PCDH15: variants seen among roughly 807,000 people sequenced by gnomAD.
The protein encoded by PCDH15 is protocadherin related 15.
PCDH15 carries 129 observed loss-of-function variants against 178.5 expected under a neutral mutation model. The observed-to-expected ratio is 0.72, with a 90% CI of 0.63 to 0.84. The LOEUF (loss-of-function observed/expected upper bound fraction) is 0.84, where lower values mean the gene tolerates loss of function less well. PCDH15 is among the 40% of genes least tolerant of loss of function. PCDH15 has a pLI of 0.00. For synonymous variants in PCDH15, 800 were observed against 732.0 expected, an observed-to-expected ratio of 1.09 and a Z score of -1.50; for missense variants, 2,230 against 2,099.9, an observed-to-expected ratio of 1.06 and a Z score of -1.21.
rs759865995 is a variant in PCDH15 at position 54,369,281 on chromosome 10, A to G, written c.319-6T>C. On this transcript the variant is annotated splice_polypyrimidine_tract_variant and splice_region_variant and intron_variant, in intron 4 of 37. Coordinates refer to ENST00000644397, the MANE Select transcript of PCDH15 (RefSeq NM_001384140.1). The stretch of plus-strand genomic sequence containing the variant: ...GAGTGTATGTTCATCGGTGGCTGCA[A>G]TGTAGAAATTGCATCTTTTAAAATA... The G allele has an allele frequency of 6.8e-6, 11 of 1,611,924 alleles. No homozygotes were observed. In the South Asian group the frequency reaches 1.2e-4, roughly 18 times the overall value.
chr10:54,372,254 C>A (rs1329820920), intron 4 of PCDH15, among the ~76,000 whole-genome samples: 1 of 151,668 alleles, frequency 6.6e-6, no homozygotes, highest in East Asian at 1.9e-4. Context: ...TGGAGTGGTA[C>A]CACTGGGACC....
intron 2 of PCDH15, among the ~76,000 whole-genome samples, chr10:55,516,705 T>C (rs1214333183): frequency 1.3e-5 from 2 of 152,178 alleles, no homozygotes; most frequent in African/African-American, 4.8e-5. Flanking sequence ...TAAGTTCTTT[T>C]ATATGAATAT....
chr10:55,598,331 T>TAA (rs5785147), intron 2 of PCDH15, among the ~76,000 whole-genome samples: 1 of 150,836 alleles, frequency 6.6e-6, no homozygotes, highest in Non-Finnish European at 1.5e-5. Context: ...CCACTATGCT[T>TAA]ACACAAATAG....
At chr10:54,961,388 T>A (rs1230471993) in intron 2 of PCDH15, among the ~76,000 whole-genome samples, 1 of 152,212 alleles carries the variant, frequency 6.6e-6, no homozygotes, top group Non-Finnish European at 1.5e-5. Flanking sequence ...GTGCTATGGA[T>A]GGCATGTTGA....
intron 15 of PCDH15, among the ~76,000 whole-genome samples, chr10:54,099,930 G>A (rs2094777629): frequency 6.6e-6 from 1 of 151,930 alleles, no homozygotes; most frequent in African/African-American, 2.4e-5. Flanking sequence ...TAGGGTCTAG[G>A]GAACTAGCAT....
intron 2 of PCDH15, among the ~76,000 whole-genome samples, chr10:55,454,277 A>G (rs1477444161): frequency 6.6e-6 from 1 of 152,172 alleles, no homozygotes; most frequent in Non-Finnish European, 1.5e-5. Context: ...TTGCTTAGCA[A>G]AGTTGTTTTT....
intron 2 of PCDH15, among the ~76,000 whole-genome samples, chr10:54,966,809 C>T (rs1838805694): frequency 6.6e-6 from 1 of 152,078 alleles, no homozygotes. Context: ...GTGAGGCCTT[C>T]CCAGCCACGT....
chr10:55,416,834 T>C (rs916138133), intron 2 of PCDH15, among the ~76,000 whole-genome samples: 2 of 151,812 alleles, frequency 1.3e-5, no homozygotes, highest in Non-Finnish European at 2.9e-5. Context: ...GTGATGTCAC[T>C]ACAGAACAAA....
intron 24 of PCDH15, among the ~76,000 whole-genome samples, chr10:53,939,810 G>T (rs114889721): frequency 0.01 from 1,522 of 152,124 alleles, 27 homozygotes; most frequent in African/African-American, 0.035. Context: ...AATAAATATA[G>T]CCACTCTGCT....
chr10:54,784,493 A>G lies in PCDH15; in HGVS notation c.-29+16432T>C, dbSNP rs187669069. 3.6e-3 allele frequency among the ~76,000 whole-genome samples: 543 copies of G among 152,102 alleles called. 1 individual carries two copies. Among genetic ancestry groups the G allele is most frequent in the African/African-American group, 0.013 (528 of 41,534 alleles). Reference sequence around the variant, plus strand: ...AAAATAAAAGTTGGTCAAAAATACTATGTCCAGCAAAGCTACTGTTTAGCC... The same window carrying G: ...AAAATAAAAGTTGGTCAAAAATACTGTGTCCAGCAAAGCTACTGTTTAGCC... On this transcript the variant is annotated intron_variant, in intron 1 of 37. Coordinates refer to ENST00000644397, the MANE Select transcript of PCDH15 (RefSeq NM_001384140.1).
intron 8 of PCDH15, among the ~76,000 whole-genome samples, chr10:54,274,754 G>A (rs540867567): frequency 6.6e-6 from 1 of 151,572 alleles, no homozygotes; most frequent in East Asian, 1.9e-4. Context: ...GACAGATAAA[G>A]GATTCTAATT....
chr10:55,076,768 T>A (rs2132020351), intron 2 of PCDH15, among the ~76,000 whole-genome samples: 1 of 140,294 alleles, frequency 7.1e-6, no homozygotes, highest in South Asian at 2.5e-4. Flanking sequence ...TGTGACCTTT[T>A]TTTTTTTTTT....
intron 20 of PCDH15, among the ~76,000 whole-genome samples, chr10:54,015,286 C>T (rs780645362): frequency 1.2e-4 from 19 of 152,114 alleles, no homozygotes; most frequent in Admixed American, 3.3e-4. Context: ...ACATTCCATG[C>T]TTGTGGATAG....
chr10:54,118,957 T>C (rs1400232593), intron 15 of PCDH15, among the ~76,000 whole-genome samples: 3 of 152,094 alleles, frequency 2.0e-5, no homozygotes, highest in Non-Finnish European at 2.9e-5. Flanking sequence ...GCTCCCACGA[T>C]GGTGTCCAGT....
chr10:54,019,642 G>C (rs2092850524), intron 20 of PCDH15, among the ~76,000 whole-genome samples: 1 of 151,998 alleles, frequency 6.6e-6, no homozygotes, highest in South Asian at 2.1e-4. Context: ...TCTGGCACAT[G>C]GTATTATAAT....
chr10:53,863,894 G>T (rs1435455838), intron 27 of PCDH15, among the ~76,000 whole-genome samples: 4 of 152,122 alleles, frequency 2.6e-5, no homozygotes, highest in African/African-American at 9.7e-5. Context: ...GATCCTGGAG[G>T]GTAGGTAAAT....
intron 1 of PCDH15, among the ~76,000 whole-genome samples, chr10:55,221,286 G>C (rs540975479): frequency 3.3e-5 from 5 of 152,080 alleles, no homozygotes; most frequent in Non-Finnish European, 5.9e-5. Flanking sequence ...GACATGAGCA[G>C]TGATGTGCTG....
intron 8 of PCDH15, among the ~76,000 whole-genome samples, chr10:54,303,397 T>A (rs1021969802): frequency 2.6e-5 from 4 of 152,020 alleles, no homozygotes; most frequent in African/African-American, 9.7e-5. Flanking sequence ...CATATGTACA[T>A]ATATATAAAA....
At chr10:54,780,783 G>A (rs972575348) in intron 1 of PCDH15, among the ~76,000 whole-genome samples, 3 of 147,596 alleles carry the variant, frequency 2.0e-5, no homozygotes, top group Admixed American at 1.4e-4. Flanking sequence ...ATCTTTTAAC[G>A]AATGAGAACA....
Sources: allele counts gnomAD v4.1 joint callset (sites outside exome capture counted in the v4.1 genomes callset), GRCh38; gene constraint gnomAD v4.1.1; transcripts MANE v1.5; gene names NCBI Gene and HGNC (gene_info 2026-07-23, HGNC 2026-07-21).